The following PIEZO2 variants were observed in gnomAD, a reference collection of about 807,000 sequenced individuals.
The protein encoded by PIEZO2 is piezo type mechanosensitive ion channel component 2, also known as piezo-type mechanosensitive ion channel component 2.
In PIEZO2, 172 loss-of-function variants were observed where a neutral mutation model predicts 337.3. The observed-to-expected ratio is 0.51, with a 90% CI of 0.45 to 0.58. PIEZO2 has a LOEUF of 0.58. Ranked by LOEUF, PIEZO2 falls within the 20% of genes least tolerant of loss-of-function variation. The pLI is 0.00. For missense variants in PIEZO2, 3,028 were observed against 3,391.3 expected (o/e 0.89, Z 2.66); for synonymous variants, 1,251 against 1,228.5 (o/e 1.02, Z -0.38).
chr18:10,721,981 C>A (rs1422223449), intron 36 of PIEZO2, among the ~76,000 whole-genome samples: 1 of 151,944 alleles, frequency 6.6e-6, no homozygotes. Context: ...TGGTGAAACC[C>A]GGTCTCTACG....
intron 49 of PIEZO2, among the ~76,000 whole-genome samples, chr18:10,686,540 A>T (rs1313383487): frequency 6.6e-6 from 1 of 152,202 alleles, no homozygotes; most frequent in Admixed American, 6.5e-5. Context: ...TGCTCAACAA[A>T]CATTTACTGT....
Position 11,148,515 on chromosome 18 carries a change from C to G in PIEZO2, c.64+10G>C. The G allele has an allele frequency of 2.6e-6, 4 of 1,537,184 alleles. No individual in the cohort carries two copies. The highest frequency in any genetic ancestry group is 3.5e-6 in the Non-Finnish European group (4 of 1,146,876). On this transcript the variant is annotated intron_variant, in intron 1 of 55. Coordinates refer to ENST00000674853, the MANE Select transcript of PIEZO2 (RefSeq NM_001378183.1). The surrounding 1 kb of genome is among the most constrained non-coding windows in gnomAD (Gnocchi z 5.2). The stretch of plus-strand genomic sequence containing the variant: ...TCCTCAAGTGCCCTCGGAAAGCGGA[C>G]CAGACTCACCTACTGCCAGGCAGAT...
chr18:10,673,908 A>C lies in PIEZO2; in HGVS notation c.8162-1035T>G, dbSNP rs2143403316. Among the ~76,000 whole-genome samples, 1 of 152,342 alleles carries C rather than the reference A, an allele frequency of 6.6e-6. No homozygotes were observed. The highest frequency in any genetic ancestry group is 2.1e-4 in the South Asian group (1 of 4,822). On this transcript the variant is annotated intron_variant, in intron 54 of 55. Transcript: ENST00000674853. This position sits in a 1 kb window ranked among gnomAD's most constrained non-coding sequence, Gnocchi z 4.8. The stretch of plus-strand genomic sequence containing the variant: ...TAACACCAAGGATAGCTTATGAGCT[A>C]AAAAGATCATACCAAAATTTCATAA...
At chr18:10,793,073 G>C (rs887570913) in intron 13 of PIEZO2, among the ~76,000 whole-genome samples, 3 of 151,982 alleles carry the variant, frequency 2.0e-5, no homozygotes, top group Non-Finnish European at 2.9e-5. Context: ...GGCTAACATG[G>C]TGAAATCCCG....
At chr18:10,699,712 T>A (rs9807703) in intron 43 of PIEZO2, among the ~76,000 whole-genome samples, 35,308 of 151,956 alleles carry the variant, frequency 0.23, 4,588 homozygotes, top group East Asian at 0.56. Context: ...TGGGTATAGA[T>A]AATAAGATTT....
rs1047572655 is a variant in PIEZO2, at chr18:10,854,887, T to C, written c.917+466A>G. On this transcript the variant is annotated intron_variant, in intron 7 of 55. Coordinates refer to ENST00000674853, the MANE Select transcript of PIEZO2 (RefSeq NM_001378183.1). This position sits in a 1 kb window ranked among gnomAD's most constrained non-coding sequence, Gnocchi z 4.6. Reference sequence around the variant, plus strand: ...CGCCCTCATGCCCAGCTAATTTTTTTTGTAGAATGGGGTTTCACCATGTTG... The same window carrying C: ...CGCCCTCATGCCCAGCTAATTTTTTCTGTAGAATGGGGTTTCACCATGTTG... Among the ~76,000 whole-genome samples, 9 of 152,184 alleles carry C rather than the reference T, an allele frequency of 5.9e-5. No homozygotes were observed. The highest frequency in any genetic ancestry group is 1.0e-4 in the Non-Finnish European group (7 of 68,026).
At position 10,861,027 on chromosome 18, in the gene PIEZO2, C is replaced by T. The variant is rs2144728497; in HGVS notation, c.493-3816G>A. On this transcript the variant is annotated intron_variant, in intron 5 of 55. Transcript: ENST00000674853. This position sits in a 1 kb window ranked among gnomAD's most constrained non-coding sequence, Gnocchi z 4.3. ...CCCCTACTGTCCTGGTAGGTCAGGG[C>T]CAGAACTGCCATTAGTCACGTCAGG... Among the ~76,000 whole-genome samples the T allele has an allele frequency of 6.6e-6, 1 of 152,330 alleles. No individual in the cohort carries two copies. The highest frequency in any genetic ancestry group is 2.1e-4 in the South Asian group (1 of 4,828).
At chr18:10,803,238 C>G (rs577387874) in intron 9 of PIEZO2, among the ~76,000 whole-genome samples, 90 of 152,308 alleles carry the variant, frequency 5.9e-4, no homozygotes, top group South Asian at 5.4e-3. Context: ...AGGTATCGAA[C>G]TCTACCAAAT....
In PIEZO2 at chr18:11,038,739, T is replaced by C. The variant is rs1359006931; in HGVS notation, c.160+27388A>G. On this transcript the variant is annotated intron_variant, in intron 2 of 55. Transcript: ENST00000674853. This position sits in a 1 kb window ranked among gnomAD's most constrained non-coding sequence, Gnocchi z 4.1. ...CTCAACATTTCAATTTCTGCATTGATTAAATGTATAATACATGCATACATA... is the reference window on the plus strand; with the variant it reads ...CTCAACATTTCAATTTCTGCATTGACTAAATGTATAATACATGCATACATA... Among the ~76,000 whole-genome samples the C allele has an allele frequency of 2.0e-5, 3 of 152,232 alleles. No individual in the cohort carries two copies. The highest frequency in any genetic ancestry group is 7.2e-5 in the African/African-American group (3 of 41,470).
intron 1 of PIEZO2, among the ~76,000 whole-genome samples, chr18:11,137,984 A>G (rs1173634222): frequency 1.3e-5 from 2 of 152,076 alleles, no homozygotes; most frequent in African/African-American, 4.8e-5. Flanking sequence ...AAAGGTGTTA[A>G]TTGCCATCCT....
At position 10,834,639 on chromosome 18, in the gene PIEZO2, G is replaced by C. The variant is rs2040950121; in HGVS notation, c.917+20714C>G. ...ATTTCATGAGGTAGGTATCATGTAA[G>C]CAACTGTAGGAAGAAGAAGCCAAAG... On this transcript the variant is annotated intron_variant, in intron 7 of 55. Coordinates refer to ENST00000674853, the MANE Select transcript of PIEZO2 (RefSeq NM_001378183.1). This position sits in a 1 kb window ranked among gnomAD's most constrained non-coding sequence, Gnocchi z 4.5. 6.6e-6 allele frequency among the ~76,000 whole-genome samples: 1 copy of C among 152,188 alleles called. No homozygotes were observed. Among genetic ancestry groups the C allele is most frequent in the African/African-American group, 2.4e-5 (1 of 41,440 alleles).
chr18:11,049,390 C>T (rs2037437070), intron 2 of PIEZO2, among the ~76,000 whole-genome samples: 1 of 152,140 alleles, frequency 6.6e-6, no homozygotes. Context: ...TGCCTAACTG[C>T]CTAGTACAAG....
At position 10,691,369 on chromosome 18, in the gene PIEZO2, T is replaced by A. The variant is rs1271286760; in HGVS notation, c.7205A>T (p.Asn2402Ile). 6.2e-7 allele frequency: 1 copy of A among 1,611,598 alleles called. No individual in the cohort carries two copies. The highest frequency in any genetic ancestry group is 8.5e-7 in the Non-Finnish European group (1 of 1,179,106). The change falls in exon 48 of 56, where the codon AAC becomes ATC. Residue 2402 changes from asparagine to isoleucine, a missense_variant. Around this residue, in one of 5 missense-constraint regions of PIEZO2, gnomAD observed 179 missense variants for 281.8 expected, o/e 0.64. Coordinates refer to ENST00000674853, the MANE Select transcript of PIEZO2 (RefSeq NM_001378183.1). ...AAAGTACCAAAGCTGGGCAACCAGG[T>A]TCTGGCTGAATTTCCTAAAATGTAA... ...PGVTERKFSQ[N>I]LVAQLWYFVK...
chr18:10,843,249 A>G (rs1305929906), intron 7 of PIEZO2, among the ~76,000 whole-genome samples: 3 of 152,168 alleles, frequency 2.0e-5, no homozygotes, highest in Non-Finnish European at 2.9e-5. Flanking sequence ...AAAGTTTGAT[A>G]GCTAAATAAT....
intron 43 of PIEZO2, 134 bp from the exon 44 acceptor site, chr18:10,699,311 C>T: frequency 8.2e-7 from 1 of 1,212,584 alleles, no homozygotes; most frequent in East Asian, 2.6e-5. Flanking sequence ...TGGCTGTGTC[C>T]CCATATCTCA....
chr18:10,808,183 G>T (rs1367024470), intron 7 of PIEZO2, among the ~76,000 whole-genome samples: 1 of 152,104 alleles, frequency 6.6e-6, no homozygotes, highest in Non-Finnish European at 1.5e-5. Flanking sequence ...TGAGTGCCTG[G>T]GCTCACATGA....
chr18:11,006,726 T>C (rs2035738615), intron 2 of PIEZO2, among the ~76,000 whole-genome samples: 1 of 152,142 alleles, frequency 6.6e-6, no homozygotes, highest in South Asian at 2.1e-4. Context: ...GCTCTTCCTC[T>C]TCCTTCCTTC....
rs897932246 is a variant in PIEZO2, at chr18:10,765,064, G to T, written c.2947-1966C>A. 2.6e-5 allele frequency among the ~76,000 whole-genome samples: 4 copies of T among 152,320 alleles called. No homozygotes were observed. The East Asian group carries it at 7.7e-4, about 29-fold the overall frequency. ...GAGTGATGGAGAAAGGGAAGTAAAG[G>T]TGGTAACTTTCATTAAGTCTTAACT... On this transcript the variant is annotated intron_variant, in intron 21 of 55. Transcript: ENST00000674853.
rs528650526 is a variant in PIEZO2 at position 10,830,673 on chromosome 18, G to A, written c.918-23399C>T. On this transcript the variant is annotated intron_variant, in intron 7 of 55. Coordinates refer to ENST00000674853, the MANE Select transcript of PIEZO2 (RefSeq NM_001378183.1). The surrounding 1 kb of genome is among the most constrained non-coding windows in gnomAD (Gnocchi z 4.7). The stretch of plus-strand genomic sequence containing the variant: ...GCACAGACGACCAAAGCAAAAATGA[G>A]CAAATGGAATCACATCAGATTGAAA... Among the ~76,000 whole-genome samples, 135 of 152,228 alleles carry A rather than the reference G, an allele frequency of 8.9e-4. 2 individuals carry two copies. The highest frequency in any genetic ancestry group is 3.1e-3 in the African/African-American group (130 of 41,536).
Sources: allele counts gnomAD v4.1 joint callset (sites outside exome capture counted in the v4.1 genomes callset), GRCh38; gene constraint gnomAD v4.1.1; regional missense constraint gnomAD v4.1.1; non-coding constraint Gnocchi (gnomAD v3.1); transcripts MANE v1.5; gene names NCBI Gene and HGNC (gene_info 2026-07-23, HGNC 2026-07-21).